MAN2A1: variants seen among roughly 807,000 people sequenced by gnomAD.
MAN2A1 encodes the protein mannosidase alpha class 2A member 1.
Under a neutral mutation model 142.6 loss-of-function variants are expected in MAN2A1, and 76 were observed. The ratio of observed to expected loss-of-function variants is 0.53; its 90% confidence interval spans 0.44 to 0.65. The LOEUF (loss-of-function observed/expected upper bound fraction) is 0.65. MAN2A1 is among the 30% of genes least tolerant of loss of function. The pLI is 0.00. For synonymous variants in MAN2A1, 559 were observed against 473.2 expected (o/e 1.18, Z -2.35); for missense variants, 1,311 against 1,365.1 (o/e 0.96, Z 0.62).
Position 109,762,104 on chromosome 5 carries a change from T to G in MAN2A1, c.836-5431T>G, listed in dbSNP as rs1010009340. 1.3e-5 allele frequency among the ~76,000 whole-genome samples: 2 copies of G among 152,288 alleles called. 1 individual carries two copies. The highest frequency in any genetic ancestry group is 6.9e-3 in the Middle Eastern group (2 of 290). Reference sequence around the variant, plus strand: ...TTATAGCATTCTGGACTTTTTCATATGTATATTTAAACACAGTATAAGTTT... The same window carrying G: ...TTATAGCATTCTGGACTTTTTCATAGGTATATTTAAACACAGTATAAGTTT... On this transcript the variant is annotated intron_variant, in intron 5 of 21. Coordinates refer to ENST00000261483, the MANE Select transcript of MAN2A1 (RefSeq NM_002372.4).
At chr5:109,763,956 C>T (rs988635274) in intron 5 of MAN2A1, among the ~76,000 whole-genome samples, 3 of 151,968 alleles carry the variant, frequency 2.0e-5, no homozygotes, top group East Asian at 1.9e-4. Context: ...TGCTTGTCAC[C>T]GCACCTGGCT....
chr5:109,828,039 A>C (rs947298383), intron 16 of MAN2A1, among the ~76,000 whole-genome samples: 1 of 151,448 alleles, frequency 6.6e-6, no homozygotes, highest in South Asian at 2.1e-4. Context: ...CAGGAGGCGG[A>C]GGTTGCAATG....
intron 7 of MAN2A1, among the ~76,000 whole-genome samples, chr5:109,770,892 A>C (rs1050294392): frequency 1.3e-5 from 2 of 152,178 alleles, no homozygotes; most frequent in African/African-American, 2.4e-5. Flanking sequence ...ACAAATTGGT[A>C]AGAAAAGCAA....
Position 109,774,813 on chromosome 5 carries a change from C to T in MAN2A1, c.1222C>T (p.Arg408Ter), listed in dbSNP as rs1164338172. 3.1e-6 allele frequency: 5 copies of T among 1,611,412 alleles called. No individual in the cohort carries two copies. The highest frequency in any genetic ancestry group is 1.7e-5 in the Admixed American group (1 of 59,638). The stretch of plus-strand genomic sequence containing the variant: ...GGCTCGGATGCTACTAGATCAGTAC[C>T]GAAAGAAGTCAAAGCTTTTTCGTAC... Reference protein sequence around the residue: ...SRARMLLDQYRKKSKLFRTKV... With the variant: ...SRARMLLDQY Residue 408 changes from arginine to a stop codon, truncating the protein, a stop_gained, in exon 8 of 22, where the codon CGA becomes TGA. Coordinates refer to ENST00000261483, the MANE Select transcript of MAN2A1 (RefSeq NM_002372.4). LOFTEE classifies it high-confidence loss of function.
chr5:109,829,951 C>G (rs1754862354), intron 16 of MAN2A1, among the ~76,000 whole-genome samples: 1 of 152,148 alleles, frequency 6.6e-6, no homozygotes, highest in Admixed American at 6.5e-5. Context: ...ACCATTGTCT[C>G]CATAAACTTT....
At chr5:109,723,292 G>A (rs751377563) in intron 3 of MAN2A1, among the ~76,000 whole-genome samples, 2 of 152,116 alleles carry the variant, frequency 1.3e-5, no homozygotes, top group African/African-American at 2.4e-5. Flanking sequence ...AAATGACACT[G>A]AATCAACTGA....
chr5:109,736,536 A>G (rs1430546978), intron 4 of MAN2A1, among the ~76,000 whole-genome samples: 1 of 152,042 alleles, frequency 6.6e-6, no homozygotes, highest in African/African-American at 2.4e-5. Context: ...AGTTTTTTTT[A>G]GGTCTTTAGG....
chr5:109,832,396 C>T (rs573404837), intron 16 of MAN2A1, among the ~76,000 whole-genome samples: 1 of 152,004 alleles, frequency 6.6e-6, no homozygotes, highest in South Asian at 2.1e-4. Context: ...ATGCTGCCTT[C>T]AAGCATCTGT....
intron 1 of MAN2A1, among the ~76,000 whole-genome samples, chr5:109,706,849 G>A (rs775070530): frequency 1.3e-5 from 2 of 151,942 alleles, no homozygotes; most frequent in Non-Finnish European, 2.9e-5. Context: ...TGCTGCTATC[G>A]GTGGGTATAT....
chr5:109,791,438 A>G (rs1753734801), intron 12 of MAN2A1, among the ~76,000 whole-genome samples: 1 of 152,068 alleles, frequency 6.6e-6, no homozygotes, highest in Non-Finnish European at 1.5e-5. Flanking sequence ...TTTATTTAGC[A>G]GGTACTGAAA....
At chr5:109,840,668 A>G (rs1288522012) in intron 16 of MAN2A1, 5 of 448,036 alleles carry the variant, frequency 1.1e-5, no homozygotes, top group African/African-American at 4.1e-5. Context: ...TTCTACAGCA[A>G]CCTTCTCTGC....
intron 1 of MAN2A1, among the ~76,000 whole-genome samples, chr5:109,707,219 T>G (rs556791369): frequency 1.3e-5 from 2 of 152,346 alleles, no homozygotes; most frequent in East Asian, 3.9e-4. Context: ...ATTAGCTCTT[T>G]CCTTCCCATT....
At chr5:109,780,386 A>G (rs958350841) in intron 8 of MAN2A1, among the ~76,000 whole-genome samples, 9 of 152,086 alleles carry the variant, frequency 5.9e-5, no homozygotes, top group Non-Finnish European at 1.2e-4. Context: ...TTAGAGCCCT[A>G]TTCACTGTAA....
At chr5:109,758,554 G>A (rs1752753198) in intron 5 of MAN2A1, among the ~76,000 whole-genome samples, 1 of 151,256 alleles carries the variant, frequency 6.6e-6, no homozygotes, top group Non-Finnish European at 1.5e-5. Flanking sequence ...TGCTTTTGAT[G>A]CCATAGTAAG....
At chr5:109,690,647 C>T (rs554313541) in intron 1 of MAN2A1, 95 bp downstream of exon 1, 2 of 1,390,108 alleles carry the variant, frequency 1.4e-6, no homozygotes, top group Admixed American at 2.0e-5. Context: ...CCCGCCGCGG[C>T]CCCACACCCG....
intron 1 of MAN2A1, among the ~76,000 whole-genome samples, chr5:109,707,562 C>T (rs946993107): frequency 6.6e-6 from 1 of 152,214 alleles, no homozygotes; most frequent in African/African-American, 2.4e-5. Flanking sequence ...TGTAATAACA[C>T]TGTGGAGGAA....
At chr5:109,840,528 C>T (rs1347004209) in intron 16 of MAN2A1, 1 of 506,900 alleles carries the variant, frequency 2.0e-6, no homozygotes, top group Non-Finnish European at 3.9e-6. Flanking sequence ...AGCTTCTTTT[C>T]CTTGGACATG....
intron 16 of MAN2A1, among the ~76,000 whole-genome samples, chr5:109,827,407 T>C (rs1004691745): frequency 2.0e-5 from 3 of 152,246 alleles, no homozygotes; most frequent in Non-Finnish European, 2.9e-5. Flanking sequence ...TAGTTGTTCT[T>C]TGACCCTTTT....
chr5:109,846,819 T>G (rs916764917), intron 18 of MAN2A1, among the ~76,000 whole-genome samples: 1 of 152,194 alleles, frequency 6.6e-6, no homozygotes, highest in African/African-American at 2.4e-5. Flanking sequence ...TTTGTGGCCT[T>G]CATTAGATAA....
Sources: gnomAD v4.1 joint callset for allele counts (sites outside exome capture counted in the v4.1 genomes callset) on GRCh38, gnomAD v4.1.1 for gene constraint, MANE v1.5 for transcripts, NCBI Gene and HGNC (gene_info 2026-07-23, HGNC 2026-07-21) for gene names.